Variants in SGCD observed in about 807,000 individuals in gnomAD.
SGCD encodes the protein sarcoglycan delta.
A neutral mutation model predicts 36.6 loss-of-function variants in SGCD; 18 were observed. The ratio of observed to expected loss-of-function variants is 0.49; its 90% CI spans 0.34 to 0.73. The LOEUF is 0.73. SGCD is among the 30% of genes least tolerant of loss of function. SGCD has a pLI of 0.01. For synonymous variants in SGCD, 133 were observed against 130.6 expected, an observed-to-expected ratio of 1.02 and a Z score of -0.12; for missense variants, 387 against 346.7, an observed-to-expected ratio of 1.12 and a Z score of -0.92.
At chr5:156,431,702 A>ATTGTTTTGTTTATTGTT (rs1753017585) in intron 3 of SGCD, among the ~76,000 whole-genome samples, 1 of 151,794 alleles carries the variant, frequency 6.6e-6, no homozygotes, top group African/African-American at 2.4e-5. Context: ...GACTGCAATG[A>ATTGTTTTGTTTATTGTT]TTGTTTTGTT....
chr5:156,328,742 G>A (rs7713117), intron 1 of SGCD, among the ~76,000 whole-genome samples: 107,147 of 149,768 alleles, frequency 0.72, 38,806 homozygotes, highest in East Asian at 0.91. Context: ...TTCTTTATTA[G>A]TTTCATCTTC....
At chr5:156,406,745 C>T (rs1192755295) in intron 3 of SGCD, among the ~76,000 whole-genome samples, 2 of 142,162 alleles carry the variant, frequency 1.4e-5, no homozygotes, top group Non-Finnish European at 3.0e-5. Context: ...GTTAAGTTAC[C>T]TGCTGTATTA....
At chr5:156,047,101 C>A (rs755497702) in intron 1 of SGCD, among the ~76,000 whole-genome samples, 1 of 152,110 alleles carries the variant, frequency 6.6e-6, no homozygotes, top group Non-Finnish European at 1.5e-5. Context: ...TAACCCATAA[C>A]AAGGCCCTAA....
At chr5:155,787,283 C>A in the SGCD span, among the ~76,000 whole-genome samples, 1 of 152,186 alleles carries the variant, frequency 6.6e-6, no homozygotes, top group African/African-American at 2.4e-5. Flanking sequence ...AGGGACTATA[C>A]AATTTTATAA....
At chr5:156,404,551 C>G (rs1317180373) in intron 3 of SGCD, among the ~76,000 whole-genome samples, 1 of 152,196 alleles carries the variant, frequency 6.6e-6, no homozygotes, top group African/African-American at 2.4e-5. Context: ...CTTATTTCTT[C>G]CCTCCTACCT....
intron 3 of SGCD, among the ~76,000 whole-genome samples, chr5:156,397,017 A>G (rs4704801): frequency 0.8 from 121,201 of 152,094 alleles, 49,011 homozygotes; most frequent in African/African-American, 0.94. Flanking sequence ...TTGGTCTGAG[A>G]CTTTTAAGGT....
chr5:155,961,089 A>C (rs1445712240), intron 1 of SGCD, among the ~76,000 whole-genome samples: 1 of 152,084 alleles, frequency 6.6e-6, no homozygotes, highest in Non-Finnish European at 1.5e-5. Context: ...GGTTTTCCTC[A>C]CTGAAGTTTC....
At chr5:156,132,786 G>A (rs982192509) in intron 3 of SGCD, among the ~76,000 whole-genome samples, 3 of 151,944 alleles carry the variant, frequency 2.0e-5, no homozygotes, top group Non-Finnish European at 4.4e-5. Flanking sequence ...GTCTTATGAT[G>A]GTCCTTCTCT....
rs1757442312 is a variant in SGCD, at chr5:155,946,591, T to C, written c.-282+76167T>C. On this transcript the variant is annotated intron_variant, in intron 1 of 9. Transcript: ENST00000517913. ...TTCTCAATCTTCCTAGAGATTTAAATAGTCAGAGATTGATACTCCCATCTT... is the reference window on the plus strand; with the variant it reads ...TTCTCAATCTTCCTAGAGATTTAAACAGTCAGAGATTGATACTCCCATCTT... 2.6e-5 allele frequency among the ~76,000 whole-genome samples: 4 copies of C among 152,148 alleles called. No homozygotes were observed. The South Asian group carries it at 8.3e-4, about 32-fold the overall frequency.
intron 3 of SGCD, among the ~76,000 whole-genome samples, chr5:156,416,108 A>G (rs1473884179): frequency 3.3e-5 from 5 of 152,198 alleles, no homozygotes; most frequent in African/African-American, 9.7e-5. Flanking sequence ...TGCTGGACAA[A>G]TGTCTGGGAG....
intron 3 of SGCD, among the ~76,000 whole-genome samples, chr5:156,126,496 G>T (rs1248925237): frequency 6.6e-6 from 1 of 152,114 alleles, no homozygotes; most frequent in Non-Finnish European, 1.5e-5. Context: ...GGCAAAGAAT[G>T]CCTGTTTTGC....
intron 3 of SGCD, among the ~76,000 whole-genome samples, chr5:156,321,473 C>G (rs570683422): frequency 7.2e-5 from 11 of 152,154 alleles, no homozygotes; most frequent in South Asian, 2.1e-4. Flanking sequence ...AAAACCTTCT[C>G]TGGGCACGAT....
intron 1 of SGCD, among the ~76,000 whole-genome samples, chr5:156,094,031 C>T (rs1761316117): frequency 6.6e-6 from 1 of 152,192 alleles, no homozygotes; most frequent in African/African-American, 2.4e-5. Context: ...ATCAGGTGCC[C>T]TACTGGGTCC....
chr5:156,028,947 A>G (rs1355885040), intron 1 of SGCD, among the ~76,000 whole-genome samples: 2 of 152,132 alleles, frequency 1.3e-5, no homozygotes, highest in African/African-American at 4.8e-5. Flanking sequence ...TGTTTAATAC[A>G]CTTTAAGTGT....
At chr5:156,479,783 A>G (rs1755343889) in intron 3 of SGCD, among the ~76,000 whole-genome samples, 1 of 152,136 alleles carries the variant, frequency 6.6e-6, no homozygotes, top group Admixed American at 6.6e-5. Flanking sequence ...GTTCTTAGAG[A>G]GGAGGTAGAA....
At chr5:156,679,953 C>G (rs772828633) in intron 7 of SGCD, among the ~76,000 whole-genome samples, 3 of 152,146 alleles carry the variant, frequency 2.0e-5, no homozygotes, top group Admixed American at 6.5e-5. Flanking sequence ...AAGAGAATTC[C>G]TTCCCTAAGA....
intron 1 of SGCD, among the ~76,000 whole-genome samples, chr5:156,081,658 TG>T (rs765729118): frequency 1.3e-5 from 2 of 152,128 alleles, no homozygotes; most frequent in Non-Finnish European, 2.9e-5. Context: ...CCCCACAAAG[TG>T]CCAGGATTAC....
chr5:156,720,962 G>A (rs1022689926), intron 7 of SGCD, among the ~76,000 whole-genome samples: 3 of 152,130 alleles, frequency 2.0e-5, no homozygotes, highest in African/African-American at 7.2e-5. Flanking sequence ...AAAGTGCTTA[G>A]ATTTTGAATA....
intron 3 of SGCD, among the ~76,000 whole-genome samples, chr5:156,467,931 G>T (rs767815203): frequency 1.3e-5 from 2 of 152,242 alleles, no homozygotes; most frequent in African/African-American, 4.8e-5. Context: ...GCTATTAGAA[G>T]TAGGAGGAAA....
Sources: gnomAD v4.1 joint callset for allele counts (sites outside exome capture counted in the v4.1 genomes callset) on GRCh38, gnomAD v4.1.1 for gene constraint, MANE v1.5 for transcripts, NCBI Gene and HGNC (gene_info 2026-07-23, HGNC 2026-07-21) for gene names.